The following UBE3D variants were observed in gnomAD, a reference collection of about 807,000 sequenced individuals.
UBE3D encodes E3 ubiquitin-protein ligase E3D.
Under a neutral mutation model 49.6 loss-of-function variants are expected in UBE3D, and 48 were observed. The observed-to-expected ratio is 0.97, with a 90% CI of 0.77 to 1.23. The LOEUF (loss-of-function observed/expected upper bound fraction) is 1.23. Among genes scored for constraint, UBE3D ranks in the 50% most tolerant of loss-of-function variants. UBE3D has a pLI of 0.00. For missense variants in UBE3D, 452 were observed against 468.4 expected (o/e 0.96, Z 0.32); for synonymous variants, 189 against 174.2 (o/e 1.08, Z -0.67).
chr6:82,889,964 G>C (rs948695928), downstream of UBE3D, among the ~76,000 whole-genome samples: 3 of 151,458 alleles, frequency 2.0e-5, no homozygotes, highest in Admixed American at 6.6e-5. Context: ...GTTTACAGCA[G>C]ATTTTAGAGA....
Position 82,930,998 on chromosome 6 carries a change from T to A in UBE3D, c.1149+26314A>T, listed in dbSNP as rs61684912. Among the ~76,000 whole-genome samples the A allele has an allele frequency of 2.9e-3, 438 of 152,212 alleles. 3 individuals carry two copies. Among genetic ancestry groups the A allele is most frequent in the African/African-American group, 9.4e-3 (392 of 41,540 alleles). ...TGGAGGCCTAGGAGGAAAAAATGGT[T>A]TCGTGGGCCAGGCCCAGGGCTGCCC... is the stretch of plus-strand genomic sequence containing the variant. On this transcript the variant is annotated intron_variant, in intron 9 of 9. Transcript: ENST00000369747.
Position 82,953,663 on chromosome 6 carries a change from C to G in UBE3D, c.1149+3649G>C, listed in dbSNP as rs988285551. Reference sequence around the variant, plus strand: ...GCCATCCAATATTTATTAACTTCTTCCTACATCCAGGCACTATACTAAGTT... The same window carrying G: ...GCCATCCAATATTTATTAACTTCTTGCTACATCCAGGCACTATACTAAGTT... On this transcript the variant is annotated intron_variant, in intron 9 of 9. Transcript: ENST00000369747. Among the ~76,000 whole-genome samples, 12 of 152,330 alleles carry G rather than the reference C, an allele frequency of 7.9e-5. No homozygotes were observed. The East Asian group carries it at 2.1e-3, about 27-fold the overall frequency.
At chr6:82,909,306 T>C (rs969097601) in intron 9 of UBE3D, among the ~76,000 whole-genome samples, 2 of 152,228 alleles carry the variant, frequency 1.3e-5, no homozygotes, top group African/African-American at 4.8e-5. Context: ...GTTACCAAAG[T>C]TGAATTGCAT....
downstream of UBE3D, among the ~76,000 whole-genome samples, chr6:82,887,389 GTTTTTTTTTTT>G (rs752438556): frequency 1.0e-5 from 1 of 98,368 alleles, no homozygotes; most frequent in Non-Finnish European, 1.9e-5. Flanking sequence ...GACAGTAACA[GTTTTTTTTTTT>G]TTTTTTTTTT....
chr6:82,957,547 G>C, intron 8 of UBE3D, 97 bp from the exon 9 acceptor site: 1 of 1,354,958 alleles, frequency 7.4e-7, no homozygotes, highest in Non-Finnish European at 1.0e-6. Flanking sequence ...GAGAGAAAAA[G>C]GCAAAGTACA....
intron 8 of UBE3D, among the ~76,000 whole-genome samples, chr6:83,011,991 A>T (rs139894785): frequency 1.8e-4 from 27 of 152,192 alleles, no homozygotes; most frequent in African/African-American, 6.5e-4. Context: ...AAGTATTGTT[A>T]CCTACTTGCT....
intron 8 of UBE3D, among the ~76,000 whole-genome samples, chr6:83,005,377 T>C (rs544290894): frequency 6.6e-6 from 1 of 152,084 alleles, no homozygotes; most frequent in African/African-American, 2.4e-5. Context: ...TGTGTACTTT[T>C]GATAGGATTG....
intron 3 of UBE3D, among the ~76,000 whole-genome samples, chr6:83,047,858 G>A (rs146820240): frequency 0.018 from 2,678 of 151,984 alleles, 45 homozygotes; most frequent in Admixed American, 0.057. Context: ...CCAGGCGGGC[G>A]GATTACGAGG....
intron 9 of UBE3D, among the ~76,000 whole-genome samples, chr6:82,922,321 T>C (rs1237530443): frequency 6.6e-6 from 1 of 152,190 alleles, no homozygotes; most frequent in Non-Finnish European, 1.5e-5. Flanking sequence ...ATGAATTTTA[T>C]GAAACCGGTA....
chr6:83,005,270 CCA>C (rs2127750991), intron 8 of UBE3D, among the ~76,000 whole-genome samples: 1 of 151,706 alleles, frequency 6.6e-6, no homozygotes, highest in African/African-American at 2.4e-5. Flanking sequence ...GCAAATTAAA[CCA>C]CAATGATATC....
intron 9 of UBE3D, among the ~76,000 whole-genome samples, chr6:82,943,802 C>A (rs1233799596): frequency 6.6e-6 from 1 of 152,010 alleles, no homozygotes; most frequent in Non-Finnish European, 1.5e-5. Flanking sequence ...TCAGAGAAAT[C>A]TGTGCTCTTG....
At chr6:82,916,415 C>T (rs1005227582) in intron 9 of UBE3D, among the ~76,000 whole-genome samples, 16 of 152,206 alleles carry the variant, frequency 1.1e-4, no homozygotes, top group Admixed American at 9.8e-4. Flanking sequence ...ATTACTACAG[C>T]AGCTGTAAGA....
At chr6:83,000,073 C>G (rs967382923) in intron 8 of UBE3D, among the ~76,000 whole-genome samples, 2 of 152,182 alleles carry the variant, frequency 1.3e-5, no homozygotes, top group African/African-American at 4.8e-5. Flanking sequence ...TATCTCCTTT[C>G]CAGACTCACC....
At chr6:82,894,612 C>T (rs1343985165) in intron 9 of UBE3D, among the ~76,000 whole-genome samples, 1 of 152,154 alleles carries the variant, frequency 6.6e-6, no homozygotes. Context: ...CCTCACCTTC[C>T]CTTCAAAACT....
At chr6:82,900,171 C>A (rs952645328) in intron 9 of UBE3D, among the ~76,000 whole-genome samples, 1 of 152,136 alleles carries the variant, frequency 6.6e-6, no homozygotes, top group African/African-American at 2.4e-5. Context: ...GCCCTATTGG[C>A]GACATGCCTC....
At chr6:82,943,816 G>C (rs77263321) in intron 9 of UBE3D, among the ~76,000 whole-genome samples, 2 of 152,184 alleles carry the variant, frequency 1.3e-5, no homozygotes, top group African/African-American at 4.8e-5. Context: ...GCTCTTGAAG[G>C]GGGAGAGTGC....
At chr6:82,969,296 T>A (rs1777174733) in intron 8 of UBE3D, among the ~76,000 whole-genome samples, 2 of 151,946 alleles carry the variant, frequency 1.3e-5, no homozygotes, top group Non-Finnish European at 2.9e-5. Context: ...TCTTTTACAA[T>A]AAGAACATCA....
At chr6:83,027,420 G>A (rs1405383276) in intron 5 of UBE3D, among the ~76,000 whole-genome samples, 1 of 42,720 alleles carries the variant, frequency 2.3e-5, no homozygotes, top group Non-Finnish European at 5.1e-5. Context: ...TGGCGACAGA[G>A]CGAGACTCCG....
chr6:83,051,967 CA>C (rs1783498625), intron 3 of UBE3D, among the ~76,000 whole-genome samples: 1 of 152,128 alleles, frequency 6.6e-6, no homozygotes, highest in South Asian at 2.1e-4. Flanking sequence ...TTCAACCCAG[CA>C]AAAATTGATT....
Sources: allele counts gnomAD v4.1 joint callset (sites outside exome capture counted in the v4.1 genomes callset), GRCh38; gene constraint gnomAD v4.1.1; transcripts MANE v1.5; gene names NCBI Gene and HGNC (gene_info 2026-07-23, HGNC 2026-07-21).